Variants in TMEM178B observed in about 807,000 individuals in gnomAD.
TMEM178B encodes transmembrane protein 178B.
In TMEM178B, 5 loss-of-function variants were observed where a neutral mutation model predicts 31.0. The observed-to-expected ratio is 0.16, with a 90% confidence interval of 0.08 to 0.34. The LOEUF (loss-of-function observed/expected upper bound fraction) is 0.34, where lower values mean the gene tolerates loss of function less well. TMEM178B is among the 10% of genes least tolerant of loss of function. TMEM178B has a pLI of 1.00. For missense variants in TMEM178B, 275 were observed against 400.3 expected (o/e 0.69, Z 2.67); for synonymous variants, 164 against 164.0 (o/e 1.00, Z 0.00).
intron 2 of TMEM178B, among the ~76,000 whole-genome samples, chr7:141,224,000 C>T (rs149127015): frequency 0.011 from 1,676 of 152,174 alleles, 24 homozygotes; most frequent in Non-Finnish European, 0.013. Flanking sequence ...TGGGAGGGGC[C>T]GGTGGGAGAT....
At chr7:141,256,340 A>G (rs373282675) in intron 2 of TMEM178B, among the ~76,000 whole-genome samples, 1 of 152,230 alleles carries the variant, frequency 6.6e-6, no homozygotes, top group Non-Finnish European at 1.5e-5. Flanking sequence ...CCATGAAGTG[A>G]GGGCAAACCC....
rs114077348 is a variant in TMEM178B at position 141,382,758 on chromosome 7, C to T, written c.497-54850C>T. Among the ~76,000 whole-genome samples, 529 of 152,254 alleles carry T rather than the reference C, an allele frequency of 3.5e-3. 3 individuals carry two copies. The highest frequency in any genetic ancestry group is 0.012 in the African/African-American group (507 of 41,540). Reference sequence around the variant, plus strand: ...TGACAAAGAGAAAACAACAGTAACACGTTGAGTTGGGTATGTCACTAGCTA... The same window carrying T: ...TGACAAAGAGAAAACAACAGTAACATGTTGAGTTGGGTATGTCACTAGCTA... On this transcript the variant is annotated intron_variant, in intron 2 of 3. Coordinates refer to ENST00000565468, the MANE Select transcript of TMEM178B (RefSeq NM_001195278.2).
At chr7:141,510,625 C>T in the TMEM178B span, among the ~76,000 whole-genome samples, 7 of 121,452 alleles carry the variant, frequency 5.8e-5, no homozygotes, top group Admixed American at 2.3e-4. Context: ...GCGGAGGTTG[C>T]GGTGAGCCAA....
At position 141,216,455 on chromosome 7, in the gene TMEM178B, G is replaced by A. The variant is rs570268480; in HGVS notation, c.496+3751G>A. Among the ~76,000 whole-genome samples, 41 of 25,644 alleles carry A rather than the reference G, an allele frequency of 1.6e-3. 3 individuals are homozygous for A. The highest frequency in any genetic ancestry group is 2.9e-3 in the Admixed American group (5 of 1,750). 16.8% of individuals were successfully genotyped at this position (25,644 alleles called of 152,430 possible). On this transcript the variant is annotated intron_variant, in intron 2 of 3. Transcript: ENST00000565468. ...TGTGTGTGTGTGTGTGTGTGCGCGC[G>A]CGCGCGCGTGTGTGTGTGTGGGTGT...
chr7:141,506,063 G>A, the TMEM178B span, among the ~76,000 whole-genome samples: 1 of 152,202 alleles, frequency 6.6e-6, no homozygotes, highest in Non-Finnish European at 1.5e-5. Flanking sequence ...TCACACATAT[G>A]GTCCACCAGG....
chr7:141,179,623 C>T (rs930589689), intron 1 of TMEM178B, among the ~76,000 whole-genome samples: 1 of 152,102 alleles, frequency 6.6e-6, no homozygotes, highest in African/African-American at 2.4e-5. Flanking sequence ...TTTAAACTGA[C>T]CTTTACAAGA....
intron 1 of TMEM178B, among the ~76,000 whole-genome samples, chr7:141,176,794 G>A (rs1417543839): frequency 2.0e-5 from 3 of 152,054 alleles, no homozygotes; most frequent in African/African-American, 4.8e-5. Context: ...CTGTGGGATC[G>A]GTGGTGATAT....
chr7:141,246,580 C>G (rs1797733659), intron 2 of TMEM178B, among the ~76,000 whole-genome samples: 2 of 151,996 alleles, frequency 1.3e-5, no homozygotes, highest in East Asian at 3.9e-4. Flanking sequence ...GTAGAGAAAC[C>G]AGAGATGGCT....
chr7:141,464,916 T>G (rs1468505421), intron 3 of TMEM178B, among the ~76,000 whole-genome samples: 1 of 152,012 alleles, frequency 6.6e-6, no homozygotes, highest in Non-Finnish European at 1.5e-5. Flanking sequence ...AAAGGAAGGG[T>G]TGGGGGCAGA....
rs538254877 is a variant in TMEM178B, at chr7:141,240,056, C to T, written c.496+27352C>T. Among the ~76,000 whole-genome samples the T allele has an allele frequency of 1.7e-4, 26 of 152,104 alleles. No individual in the cohort carries two copies. In the East Asian group the frequency reaches 3.5e-3, roughly 20 times the overall value. On this transcript the variant is annotated intron_variant, in intron 2 of 3. Transcript: ENST00000565468. ...ATCAACATTGAAAAATATTTTAATT[C>T]GATTTAATTATTTTGTACTAGGTCT...
intron 2 of TMEM178B, among the ~76,000 whole-genome samples, chr7:141,238,531 G>C (rs1228944796): frequency 6.6e-6 from 1 of 152,160 alleles, no homozygotes; most frequent in African/African-American, 2.4e-5. Flanking sequence ...TACAGTATCA[G>C]GGCTGCAGTG....
chr7:141,483,468 G>A (rs1446046123), downstream of TMEM178B, among the ~76,000 whole-genome samples: 2 of 152,170 alleles, frequency 1.3e-5, no homozygotes, highest in African/African-American at 2.4e-5. Context: ...GGGGATGAGG[G>A]TGGAAAGAGC....
At chr7:141,196,907 T>C (rs1265140501) in intron 1 of TMEM178B, among the ~76,000 whole-genome samples, 1 of 152,092 alleles carries the variant, frequency 6.6e-6, no homozygotes, top group African/African-American at 2.4e-5. Context: ...AGATGCTGCC[T>C]TGGGCTGTGA....
At chr7:141,372,439 T>A (rs1000883949) in intron 2 of TMEM178B, among the ~76,000 whole-genome samples, 21 of 152,172 alleles carry the variant, frequency 1.4e-4, no homozygotes, top group Non-Finnish European at 5.9e-5. Context: ...ACCCTTCACC[T>A]CCTTCAGGTC....
At chr7:141,121,773 A>T (rs577980506) in intron 1 of TMEM178B, among the ~76,000 whole-genome samples, 2 of 152,150 alleles carry the variant, frequency 1.3e-5, no homozygotes, top group African/African-American at 4.8e-5. Flanking sequence ...TTTCCTCCCC[A>T]TGAACCTGGT....
intron 2 of TMEM178B, among the ~76,000 whole-genome samples, chr7:141,395,979 C>G (rs1250992424): frequency 6.6e-6 from 1 of 152,158 alleles, no homozygotes; most frequent in Non-Finnish European, 1.5e-5. Flanking sequence ...TTACAACATA[C>G]TATTACTGGT....
chr7:141,255,952 G>T (rs2215631), intron 2 of TMEM178B, among the ~76,000 whole-genome samples: 1 of 151,950 alleles, frequency 6.6e-6, no homozygotes, highest in Admixed American at 6.5e-5. Context: ...ATACCTAGGC[G>T]TGAGAGAAAC....
Position 141,097,912 on chromosome 7 carries a change from C to T in TMEM178B, c.382+23220C>T, listed in dbSNP as rs144682243. The stretch of plus-strand genomic sequence containing the variant: ...GTTCAAGTGATCCTCCCACCTCAGC[C>T]CACCAAGTAGCTGGGACTACAGGTG... On this transcript the variant is annotated intron_variant, in intron 1 of 3. Transcript: ENST00000565468. Among the ~76,000 whole-genome samples the T allele has an allele frequency of 3.6e-3, 549 of 151,706 alleles. 3 individuals carry two copies. The highest frequency in any genetic ancestry group is 0.013 in the African/African-American group (519 of 41,310).
intron 2 of TMEM178B, among the ~76,000 whole-genome samples, chr7:141,262,063 T>G (rs919441426): frequency 6.6e-6 from 1 of 152,138 alleles, no homozygotes; most frequent in Non-Finnish European, 1.5e-5. Flanking sequence ...ATAAAATAAC[T>G]GTTCACAACA....
Sources: gnomAD v4.1 joint callset for allele counts (sites outside exome capture counted in the v4.1 genomes callset) on GRCh38, gnomAD v4.1.1 for gene constraint, MANE v1.5 for transcripts, NCBI Gene and HGNC (gene_info 2026-07-23, HGNC 2026-07-21) for gene names.